PPP2R2B: variants seen among roughly 807,000 people sequenced by gnomAD.
PPP2R2B encodes the protein serine/threonine-protein phosphatase 2A 55 kDa regulatory subunit B beta isoform.
PPP2R2B carries 5 observed loss-of-function variants against 46.0 expected under a neutral mutation model. The ratio of observed to expected loss-of-function variants is 0.11; its 90% CI spans 0.06 to 0.23. The LOEUF is 0.23. Among genes scored for constraint, PPP2R2B ranks in the 10% least tolerant of loss-of-function variants. The pLI is 1.00. For synonymous variants in PPP2R2B, 215 were observed against 206.7 expected (o/e 1.04, Z -0.34); for missense variants, 367 against 575.0 (o/e 0.64, Z 3.70).
At chr5:146,853,843 C>T (rs959221635) in intron 2 of PPP2R2B, among the ~76,000 whole-genome samples, 63 of 152,104 alleles carry the variant, frequency 4.1e-4, no homozygotes, top group African/African-American at 1.2e-3. Context: ...GAATACTTTT[C>T]ATTCTTCTTC....
chr5:146,689,888 A>T (rs1778733588), intron 5 of PPP2R2B, among the ~76,000 whole-genome samples: 1 of 152,260 alleles, frequency 6.6e-6, no homozygotes, highest in African/African-American at 2.4e-5. Flanking sequence ...AAGCAGCTCA[A>T]CTGAAGACCA....
chr5:146,682,279 A>G (rs374734220), intron 5 of PPP2R2B, among the ~76,000 whole-genome samples: 4 of 152,208 alleles, frequency 2.6e-5, no homozygotes, highest in Admixed American at 1.3e-4. Flanking sequence ...CTCTAGATGT[A>G]ATACTACTTC....
At chr5:146,736,144 G>A (rs1330803476) in intron 2 of PPP2R2B, among the ~76,000 whole-genome samples, 2 of 152,030 alleles carry the variant, frequency 1.3e-5, no homozygotes, top group Non-Finnish European at 2.9e-5. Flanking sequence ...CCCTTCACTG[G>A]GCACACATTA....
At chr5:146,784,110 C>T (rs1582095556) in intron 2 of PPP2R2B, among the ~76,000 whole-genome samples, 1 of 152,324 alleles carries the variant, frequency 6.6e-6, no homozygotes, top group East Asian at 1.9e-4. Context: ...TACCCTTTCT[C>T]TCTTTAATTG....
chr5:146,809,599 C>T (rs144026368), intron 2 of PPP2R2B, among the ~76,000 whole-genome samples: 16 of 152,162 alleles, frequency 1.1e-4, no homozygotes, highest in East Asian at 1.9e-4. Context: ...ACTGGAAGGA[C>T]GAAGCAGCTA....
intron 3 of PPP2R2B, among the ~76,000 whole-genome samples, chr5:146,700,583 C>A (rs1397114856): frequency 6.6e-6 from 1 of 152,090 alleles, no homozygotes; most frequent in Non-Finnish European, 1.5e-5. Context: ...GGCCTTTTAC[C>A]CCCTTAGGTG....
chr5:146,998,629 T>G (rs1754026836), intron 1 of PPP2R2B, among the ~76,000 whole-genome samples: 2 of 152,190 alleles, frequency 1.3e-5, no homozygotes, highest in African/African-American at 4.8e-5. Context: ...TTGGAAAACA[T>G]CCAGTTTTAC....
At chr5:146,701,700 CT>C (rs1018044278) in intron 2 of PPP2R2B, among the ~76,000 whole-genome samples, 1 of 152,186 alleles carries the variant, frequency 6.6e-6, no homozygotes, top group African/African-American at 2.4e-5. Context: ...CGTGCCCCTT[CT>C]TTTTTTGTGA....
intron 5 of PPP2R2B, among the ~76,000 whole-genome samples, chr5:146,689,708 C>T (rs1039073318): frequency 6.6e-6 from 1 of 152,210 alleles, no homozygotes; most frequent in South Asian, 2.1e-4. Context: ...CAATAATACT[C>T]TTCACTACGC....
intron 2 of PPP2R2B, among the ~76,000 whole-genome samples, chr5:146,759,944 T>C (rs1754059748): frequency 6.6e-6 from 1 of 152,204 alleles, no homozygotes; most frequent in Non-Finnish European, 1.5e-5. Context: ...TACAATATCA[T>C]ATTTGTGCCT....
intron 2 of PPP2R2B, among the ~76,000 whole-genome samples, chr5:147,075,481 A>G (rs371834279): frequency 6.6e-6 from 1 of 152,084 alleles, no homozygotes; most frequent in South Asian, 2.1e-4. Context: ...CTCAGGTTCT[A>G]TCTCTATCTC....
intron 1 of PPP2R2B, among the ~76,000 whole-genome samples, chr5:146,942,011 C>T (rs1011643011): frequency 4.6e-5 from 7 of 152,108 alleles, no homozygotes; most frequent in Admixed American, 2.0e-4. Flanking sequence ...CTCCGGTCTC[C>T]GCCTCCCCAG....
At chr5:146,932,722 C>T (rs759213355) in intron 1 of PPP2R2B, among the ~76,000 whole-genome samples, 16 of 152,144 alleles carry the variant, frequency 1.1e-4, no homozygotes, top group Non-Finnish European at 2.4e-4. Context: ...ACTGAAGACT[C>T]TAGTGGCCCA....
chr5:146,924,694 A>G (rs746378011), intron 1 of PPP2R2B, among the ~76,000 whole-genome samples: 2 of 152,146 alleles, frequency 1.3e-5, no homozygotes, highest in Non-Finnish European at 2.9e-5. Flanking sequence ...TACTTTTTGA[A>G]TAAGGGACCA....
chr5:146,994,081 G>A (rs1404867957), intron 1 of PPP2R2B, among the ~76,000 whole-genome samples: 1 of 152,146 alleles, frequency 6.6e-6, no homozygotes, highest in Non-Finnish European at 1.5e-5. Context: ...ACCTCTTCTA[G>A]CCATTTGGCT....
At chr5:146,633,028 G>T (rs761707005) in intron 7 of PPP2R2B, among the ~76,000 whole-genome samples, 1 of 152,110 alleles carries the variant, frequency 6.6e-6, no homozygotes, top group African/African-American at 2.4e-5. Context: ...ATACTCATGC[G>T]TGGAAAGGGG....
chr5:146,711,569 T>C (rs559369364), intron 2 of PPP2R2B, among the ~76,000 whole-genome samples: 1 of 152,148 alleles, frequency 6.6e-6, no homozygotes, highest in African/African-American at 2.4e-5. Flanking sequence ...AGAAAGCAGA[T>C]GGGTTGGGGG....
chr5:146,769,364 A>C (rs2079246668), intron 2 of PPP2R2B, among the ~76,000 whole-genome samples: 1 of 152,222 alleles, frequency 6.6e-6, no homozygotes. Context: ...CATGTGTATT[A>C]GCGAGCCCTT....
At chr5:146,655,084 T>A (rs1776235021) in intron 5 of PPP2R2B, among the ~76,000 whole-genome samples, 1 of 152,118 alleles carries the variant, frequency 6.6e-6, no homozygotes, top group Admixed American at 6.5e-5. Context: ...GGTTCTGTGT[T>A]GAGCAGCTGG....
Sources: gnomAD v4.1 joint callset for allele counts (sites outside exome capture counted in the v4.1 genomes callset) on GRCh38, gnomAD v4.1.1 for gene constraint, MANE v1.5 for transcripts, NCBI Gene and HGNC (gene_info 2026-07-23, HGNC 2026-07-21) for gene names.